Variants in RSPH1 observed in about 807,000 individuals in gnomAD.
The protein encoded by RSPH1 is radial spoke head component 1, also known as radial spoke head 1 homolog.
RSPH1 carries 32 observed loss-of-function variants against 44.2 expected under a neutral mutation model. The observed-to-expected ratio is 0.72, with a 90% CI of 0.55 to 0.97. RSPH1 has a LOEUF of 0.97. Ranked by LOEUF, RSPH1 falls within the 50% of genes least tolerant of loss-of-function variation. The pLI, the probability that RSPH1 is intolerant of heterozygous loss-of-function variation, is 0.00. For synonymous variants in RSPH1, 134 were observed against 147.3 expected, an observed-to-expected ratio of 0.91 and a Z score of 0.65; for missense variants, 391 against 398.7, an observed-to-expected ratio of 0.98 and a Z score of 0.16.
At chr21:42,491,298 A>G (rs556936139) in intron 3 of RSPH1, among the ~76,000 whole-genome samples, 4 of 152,220 alleles carry the variant, frequency 2.6e-5, no homozygotes, top group Non-Finnish European at 5.9e-5. Flanking sequence ...GGGTGGTGTC[A>G]GAATGGAGTT....
intron 3 of RSPH1, among the ~76,000 whole-genome samples, chr21:42,490,011 G>C (rs1277041632): frequency 6.6e-6 from 1 of 152,084 alleles, no homozygotes; most frequent in African/African-American, 2.4e-5. Flanking sequence ...CAGGGAATAG[G>C]GATGCTCTTT....
chr21:42,481,352 C>T (rs2054126367), intron 6 of RSPH1, among the ~76,000 whole-genome samples: 1 of 152,118 alleles, frequency 6.6e-6, no homozygotes, highest in South Asian at 2.1e-4. Flanking sequence ...GCTTCTTGTA[C>T]AGCCTGCAGA....
rs117942452 is a variant in RSPH1, at chr21:42,486,687, C to T, written c.275-226G>A. Among the ~76,000 whole-genome samples, 5,787 of 152,272 alleles carry T rather than the reference C, an allele frequency of 0.038. 147 individuals are homozygous for T. Among genetic ancestry groups the T allele is most frequent in the Middle Eastern group, 0.088 (26 of 294 alleles). Reference sequence around the variant, plus strand: ...CACTCTGACATCCCTCCACCCCTTCCTTTTGTGCCAGATGGCATAGGTGCT... The same window carrying T: ...CACTCTGACATCCCTCCACCCCTTCTTTTTGTGCCAGATGGCATAGGTGCT... On this transcript the variant is annotated intron_variant, in intron 3 of 8. Coordinates refer to ENST00000291536, the MANE Select transcript of RSPH1 (RefSeq NM_080860.4).
chr21:42,490,960 G>A (rs1385108520), intron 3 of RSPH1, among the ~76,000 whole-genome samples: 1 of 152,360 alleles, frequency 6.6e-6, no homozygotes, highest in South Asian at 2.1e-4. Flanking sequence ...TCATGTGCCA[G>A]GAGGGTGGTG....
In RSPH1 at chr21:42,480,596, C is replaced by T. The variant is rs374814358; in HGVS notation, c.573+2041G>A. On this transcript the variant is annotated intron_variant, in intron 6 of 8. Transcript: ENST00000291536. ...TGGAGTTTGCGTTGAGCCGAGATCA[C>T]GCCATTGCACTCCAGCCTGGGCAAC... Among the ~76,000 whole-genome samples, 220 of 139,610 alleles carry T rather than the reference C, an allele frequency of 1.6e-3. 3 individuals carry two copies. The South Asian group carries it at 0.032, about 20-fold the overall frequency. The allele number at this position is 139,610 out of a possible 152,430, so 91.6% of individuals were successfully genotyped here.
Position 42,490,058 on chromosome 21 carries a change from A to C in RSPH1, c.274+2700T>G, listed in dbSNP as rs376707700. 8.6e-5 allele frequency among the ~76,000 whole-genome samples: 13 copies of C among 151,542 alleles called. No homozygotes were observed. The East Asian group carries it at 1.7e-3, about 20-fold the overall frequency. ...CCTCAGAGTCCTCAGTTGGCCCTAC[A>C]CCCCCAACCCTCAGCATCAGTACAT... On this transcript the variant is annotated intron_variant, in intron 3 of 8. Transcript: ENST00000291536.
intron 1 of RSPH1, among the ~76,000 whole-genome samples, chr21:42,495,242 T>C (rs1375056550): frequency 6.6e-6 from 1 of 152,204 alleles, no homozygotes; most frequent in African/African-American, 2.4e-5. Context: ...GGCAGGTAGT[T>C]CCAGCGCACA....
chr21:42,475,937 C>G lies in RSPH1; in HGVS notation c.838G>C (p.Glu280Gln). Residue 280 changes from glutamate to glutamine, a missense_variant, in exon 8 of 9, where the codon GAG becomes CAG. Physicochemically the swap from Glu to Gln is conservative, Grantham distance 29 (BLOSUM62 2). Transcript: ENST00000291536. Reference sequence around the variant, plus strand: ...TAGCGGAACTCCTCCTGGTCATACTCCCGGCTCTCTTCCCGGAGGACGTCT... The same window carrying G: ...TAGCGGAACTCCTCCTGGTCATACTGCCGGCTCTCTTCCCGGAGGACGTCT... ...DADVLREESR[E>Q]YDQEEFRYDM... is the part of the protein sequence containing the mutation. 3 of 1,612,156 alleles carry G rather than the reference C, an allele frequency of 1.9e-6. No homozygotes were observed. Among genetic ancestry groups the G allele is most frequent in the South Asian group, 1.1e-5 (1 of 90,748 alleles).
In RSPH1 at chr21:42,474,069, C is replaced by T. The variant is rs139052754; in HGVS notation, c.878-1199G>A. Among the ~76,000 whole-genome samples, 93 of 152,342 alleles carry T rather than the reference C, an allele frequency of 6.1e-4. No individual in the cohort carries two copies. The highest frequency in any genetic ancestry group is 6.8e-3 in the Middle Eastern group (2 of 294). ...GCTCCATCCCCTCCGTTATCTCCCC[C>T]ACCAAGTTTCTGGGGCCTCCTGCCT... On this transcript the variant is annotated intron_variant, in intron 8 of 8. Transcript: ENST00000291536. The surrounding 1 kb of genome is among the most constrained non-coding windows in gnomAD (Gnocchi z 5.2).
At chr21:42,481,204 AAT>A (rs143890998) in intron 6 of RSPH1, among the ~76,000 whole-genome samples, 1 of 150,022 alleles carries the variant, frequency 6.7e-6, no homozygotes, top group Non-Finnish European at 1.5e-5. Flanking sequence ...GGTTGTTAAA[AAT>A]ATATATATAT....
Position 42,485,709 on chromosome 21 carries a change from T to G in RSPH1, c.461A>C (p.His154Pro). 1 of 1,614,196 alleles carries G rather than the reference T, an allele frequency of 6.2e-7. No individual in the cohort carries two copies. The highest frequency in any genetic ancestry group is 1.1e-5 in the South Asian group (1 of 91,084). Reference protein sequence around the residue: ...GQQEGTAELIHLNHRYQGKFL... With the variant: ...GQQEGTAELIPLNHRYQGKFL... ...CTTGCCCTGGTACCTGTGGTTCAGG[T>G]GAATGAGCTCGGCCGTGCCCTCCTG... The change falls in exon 5 of 9, where the codon CAC becomes CCC. Residue 154 changes from histidine to proline, a missense_variant. His to Pro is a moderately conservative substitution (Grantham distance 77). Coordinates refer to ENST00000291536, the MANE Select transcript of RSPH1 (RefSeq NM_080860.4).
Position 42,477,451 on chromosome 21 carries a change from T to A in RSPH1, c.574-7A>T. ...CTTCCTCTTCTCCTCTTTCCTATTTTAAGTGCAAAAATGTACATTTACCAA... is the reference window on the plus strand; with the variant it reads ...CTTCCTCTTCTCCTCTTTCCTATTTAAAGTGCAAAAATGTACATTTACCAA... On this transcript the variant is annotated splice_polypyrimidine_tract_variant and splice_region_variant and intron_variant, in intron 6 of 8. Transcript: ENST00000291536. 1 of 1,613,408 alleles carries A rather than the reference T, an allele frequency of 6.2e-7. No individual in the cohort carries two copies. The highest frequency in any genetic ancestry group is 8.5e-7 in the Non-Finnish European group (1 of 1,179,398).
chr21:42,476,987 ACCCTCTGTC>A (rs2054060549), intron 7 of RSPH1, among the ~76,000 whole-genome samples: 4 of 52,572 alleles, frequency 7.6e-5, no homozygotes, highest in Non-Finnish European at 1.2e-4. Context: ...GATGCCCCAC[ACCCTCTGTC>A]CCACAGCCCG....
intron 1 of RSPH1, among the ~76,000 whole-genome samples, chr21:42,494,245 C>T (rs2054264263): frequency 6.6e-6 from 1 of 152,074 alleles, no homozygotes; most frequent in South Asian, 2.1e-4. Context: ...CTTAAATATA[C>T]ATAATAAAAT....
At chr21:42,476,139 C>T in intron 7 of RSPH1, 92 bp from the exon 8 acceptor site, 2 of 1,241,364 alleles carry the variant, frequency 1.6e-6, no homozygotes, top group Non-Finnish European at 2.3e-6. Context: ...GCTGCCGTGC[C>T]CCCACCCTCC....
rs537574935 is a variant in RSPH1 at position 42,474,818 on chromosome 21, T to G, written c.877+1080A>C. ...AGTCTATGCCAGCGCTCAGGGGAATTACCGATCACGAAAGTCTATGTGTGC... is the reference window on the plus strand; with the variant it reads ...AGTCTATGCCAGCGCTCAGGGGAATGACCGATCACGAAAGTCTATGTGTGC... On this transcript the variant is annotated intron_variant, in intron 8 of 8. Coordinates refer to ENST00000291536, the MANE Select transcript of RSPH1 (RefSeq NM_080860.4). This position sits in a 1 kb window ranked among gnomAD's most constrained non-coding sequence, Gnocchi z 5.2. Among the ~76,000 whole-genome samples the G allele has an allele frequency of 6.7e-6, 1 of 149,516 alleles. No individual in the cohort carries two copies.
At chr21:42,479,359 C>G (rs969565487) in intron 6 of RSPH1, among the ~76,000 whole-genome samples, 2 of 152,186 alleles carry the variant, frequency 1.3e-5, no homozygotes, top group African/African-American at 4.8e-5. Context: ...AGCAACAGGA[C>G]TTGGGGCTTA....
At chr21:42,492,604 A>G (rs1008312790) in intron 3 of RSPH1, among the ~76,000 whole-genome samples, 154 bp downstream of exon 3, 2 of 152,218 alleles carry the variant, frequency 1.3e-5, no homozygotes, top group Non-Finnish European at 2.9e-5. Context: ...TTCTGCATCA[A>G]CACTGTGAAT....
In RSPH1 at chr21:42,477,336, G is replaced by A. The variant is rs768191212; in HGVS notation, c.682C>T (p.Pro228Ser). ...TGGCCAGGTCCATCCGTAGAGGTCG[G>A]CTTTTTGGGGAGAGTTGGTGTCCAC... ...ALWTPTLPKK[P>S]TSTDGPGQDA... The change falls in exon 7 of 9, where the codon CCG becomes TCG. Residue 228 changes from proline (P) to serine (S), a missense_variant. Transcript: ENST00000291536. The A allele has an allele frequency of 1.2e-6, 2 of 1,610,818 alleles. No individual in the cohort carries two copies. Among genetic ancestry groups the A allele is most frequent in the Non-Finnish European group, 1.7e-6 (2 of 1,178,844 alleles).
Sources: gnomAD v4.1 joint callset for allele counts (sites outside exome capture counted in the v4.1 genomes callset) on GRCh38, gnomAD v4.1.1 for gene constraint, Gnocchi (gnomAD v3.1) non-coding constraint, MANE v1.5 for transcripts, NCBI Gene and HGNC (gene_info 2026-07-23, HGNC 2026-07-21) for gene names.